Variants in GPHN observed in about 807,000 individuals in gnomAD.
GPHN encodes gephyrin.
Under a neutral mutation model 95.5 loss-of-function variants are expected in GPHN, and 17 were observed. The ratio of observed to expected loss-of-function variants is 0.18; its 90% CI spans 0.12 to 0.27. The LOEUF is 0.27. Among genes scored for constraint, GPHN ranks in the 10% least tolerant of loss-of-function variants. The probability of loss-of-function intolerance (pLI) is 1.00; values close to 1 mark genes in which losing one functional copy is unlikely to be tolerated. For synonymous variants in GPHN, 320 were observed against 322.5 expected, an observed-to-expected ratio of 0.99 and a Z score of 0.08; for missense variants, 660 against 978.1, an observed-to-expected ratio of 0.67 and a Z score of 4.34.
the GPHN span, among the ~76,000 whole-genome samples, chr14:67,550,192 T>C: frequency 6.6e-6 from 1 of 151,942 alleles, no homozygotes; most frequent in Admixed American, 6.6e-5. Flanking sequence ...ATTGTCTTTA[T>C]ATTTTTTATT....
intron 21 of GPHN, among the ~76,000 whole-genome samples, chr14:67,171,678 C>T (rs1471540721): frequency 6.6e-6 from 1 of 151,942 alleles, no homozygotes; most frequent in Non-Finnish European, 1.5e-5. Flanking sequence ...ACAGCCAGAA[C>T]AATGAATAAA....
chr14:67,622,434 A>G, the GPHN span, among the ~76,000 whole-genome samples: 32 of 152,198 alleles, frequency 2.1e-4, no homozygotes, highest in Admixed American at 1.8e-3. Flanking sequence ...GGATATGGTG[A>G]CATGGATTCA....
intron 4 of GPHN, among the ~76,000 whole-genome samples, chr14:66,854,845 C>CTT (rs139745978): frequency 6.4e-5 from 9 of 140,842 alleles, no homozygotes; most frequent in Non-Finnish European, 9.3e-5. Flanking sequence ...CTATTTTAGC[C>CTT]TTTTTTTTTT....
chr14:66,596,388 C>T (rs1038867776), intron 1 of GPHN, among the ~76,000 whole-genome samples: 4 of 152,108 alleles, frequency 2.6e-5, no homozygotes, highest in African/African-American at 9.7e-5. Context: ...GGCCTGTCTG[C>T]CTCCTGCTGC....
At chr14:67,653,557 A>T in the GPHN span, 1 of 1,456,280 alleles carries the variant, frequency 6.9e-7, no homozygotes, top group Non-Finnish European at 9.6e-7. Context: ...GTACAATTGA[A>T]TATCCCTAGA....
At chr14:67,279,044 G>T in the GPHN span, 10 of 827,370 alleles carry the variant, frequency 1.2e-5, no homozygotes, top group South Asian at 5.8e-5. Context: ...CTTTTTCATA[G>T]CATTATTATG....
chr14:67,722,895 C>T, the GPHN span, among the ~76,000 whole-genome samples: 5 of 152,200 alleles, frequency 3.3e-5, no homozygotes, highest in African/African-American at 4.8e-5. Flanking sequence ...CATCTGCGGC[C>T]GGGCAGAGGT....
intron 2 of GPHN, among the ~76,000 whole-genome samples, chr14:66,755,277 A>G (rs914041613): frequency 1.3e-5 from 2 of 152,132 alleles, no homozygotes; most frequent in Admixed American, 6.5e-5. Flanking sequence ...TTTACTGACT[A>G]TGTTTGCTTA....
the GPHN span, among the ~76,000 whole-genome samples, chr14:67,714,102 T>A: frequency 1.3e-5 from 2 of 152,156 alleles, no homozygotes; most frequent in African/African-American, 2.4e-5. Context: ...TTTAAAAAAA[T>A]TGTAATTTCC....
At chr14:67,340,818 C>T in the GPHN span, among the ~76,000 whole-genome samples, 17 of 152,258 alleles carry the variant, frequency 1.1e-4, no homozygotes, top group Middle Eastern at 6.8e-3. Flanking sequence ...CGATTGCAGG[C>T]GCGTGCCGCC....
chr14:67,506,737 A>T, the GPHN span, among the ~76,000 whole-genome samples: 15 of 152,296 alleles, frequency 9.8e-5, no homozygotes, highest in Admixed American at 3.3e-4. Flanking sequence ...TGTAATCCCA[A>T]CACTTTGGGA....
At chr14:66,700,360 T>C (rs1325888866) in intron 2 of GPHN, among the ~76,000 whole-genome samples, 1 of 152,186 alleles carries the variant, frequency 6.6e-6, no homozygotes, top group Non-Finnish European at 1.5e-5. Context: ...GTAAAATAAT[T>C]TTACAGTTAA....
the GPHN span, chr14:67,397,799 G>C: frequency 6.2e-7 from 1 of 1,612,234 alleles, no homozygotes; most frequent in Admixed American, 1.7e-5. Flanking sequence ...ATGAACCATC[G>C]CGCCTTCCAG....
At chr14:67,448,949 G>C in the GPHN span, among the ~76,000 whole-genome samples, 1 of 152,198 alleles carries the variant, frequency 6.6e-6, no homozygotes, top group Non-Finnish European at 1.5e-5. Flanking sequence ...ATCCCATGAG[G>C]GGAATACTGT....
intron 17 of GPHN, among the ~76,000 whole-genome samples, chr14:67,122,815 G>A (rs976605626): frequency 1.2e-4 from 18 of 152,236 alleles, no homozygotes; most frequent in Admixed American, 6.5e-4. Flanking sequence ...ATTGATTTTT[G>A]TGTCTTTATG....
chr14:66,682,469 T>C (rs1264331535), intron 2 of GPHN, among the ~76,000 whole-genome samples: 2 of 152,184 alleles, frequency 1.3e-5, no homozygotes, highest in East Asian at 3.9e-4. Context: ...AATAAATTAC[T>C]GGCCAGGCGT....
the GPHN span, among the ~76,000 whole-genome samples, chr14:67,307,465 T>C: frequency 2.0e-5 from 3 of 152,206 alleles, no homozygotes; most frequent in Non-Finnish European, 4.4e-5. Flanking sequence ...AGATTATTGA[T>C]TGTTTAATAC....
the GPHN span, among the ~76,000 whole-genome samples, chr14:67,679,404 G>GTTT: frequency 7.8e-5 from 11 of 140,830 alleles, no homozygotes; most frequent in African/African-American, 1.6e-4. Context: ...TTAATTCCAA[G>GTTT]TTTTTTTTTT....
chr14:67,705,282 A>G, the GPHN span, among the ~76,000 whole-genome samples: 1 of 152,250 alleles, frequency 6.6e-6, no homozygotes, highest in Non-Finnish European at 1.5e-5. Flanking sequence ...ACAACATACA[A>G]GTTAAAATGT....
Sources: allele counts gnomAD v4.1 joint callset (sites outside exome capture counted in the v4.1 genomes callset), GRCh38; gene constraint gnomAD v4.1.1; transcripts MANE v1.5; gene names NCBI Gene and HGNC (gene_info 2026-07-23, HGNC 2026-07-21).